Variants in PCCB observed in about 807,000 individuals in gnomAD.
PCCB encodes the protein propionyl-CoA carboxylase beta chain, mitochondrial.
In PCCB, 43 loss-of-function variants were observed where a neutral mutation model predicts 60.7. That is an observed-to-expected ratio of 0.71 (90% CI 0.55 to 0.91). The LOEUF (loss-of-function observed/expected upper bound fraction) is 0.91. PCCB is among the 40% of genes least tolerant of loss of function. PCCB has a pLI of 0.00. For missense variants in PCCB, 766 were observed against 702.8 expected (o/e 1.09, Z -1.02); for synonymous variants, 276 against 255.9 (o/e 1.08, Z -0.75).
intron 5 of PCCB, among the ~76,000 whole-genome samples, chr3:136,276,215 C>CAGGGG (rs1311378423): frequency 6.6e-6 from 1 of 152,128 alleles, no homozygotes; most frequent in African/African-American, 2.4e-5. Flanking sequence ...ATTTTATTTA[C>CAGGGG]TAAGTTGATG....
intron 10 of PCCB, 30 bp from the exon 11 acceptor site, chr3:136,326,773 A>C: frequency 7.1e-7 from 1 of 1,400,350 alleles, no homozygotes; most frequent in East Asian, 2.3e-5. Flanking sequence ...TTGCCTGGAT[A>C]CTCAGTATGG....
chr3:136,273,769 G>A (rs983945893), intron 5 of PCCB, among the ~76,000 whole-genome samples: 5 of 149,818 alleles, frequency 3.3e-5, no homozygotes, highest in Admixed American at 6.6e-5. Context: ...AAAATTAGCC[G>A]GGCGTGGTGG....
At chr3:136,265,176 G>C (rs1005669999) in intron 5 of PCCB, among the ~76,000 whole-genome samples, 1 of 152,248 alleles carries the variant, frequency 6.6e-6, no homozygotes, top group Non-Finnish European at 1.5e-5. Flanking sequence ...CTGGGTGACA[G>C]AGCGAGACTC....
chr3:136,290,563 G>T (rs1933629467), intron 6 of PCCB, among the ~76,000 whole-genome samples: 1 of 148,876 alleles, frequency 6.7e-6, no homozygotes, highest in African/African-American at 2.5e-5. Context: ...GTCTCCCTGT[G>T]TTTCCCAGGC....
chr3:136,268,087 G>GATATAGAT (rs1313121628), intron 5 of PCCB, among the ~76,000 whole-genome samples: 60 of 93,770 alleles, frequency 6.4e-4, no homozygotes, highest in African/African-American at 2.5e-3. Context: ...TGTGTGTGTA[G>GATATAGAT]ATATATATAT....
chr3:136,301,040 G>C lies in PCCB; in HGVS notation c.895G>C (p.Val299Leu). The C allele has an allele frequency of 6.2e-7, 1 of 1,614,070 alleles. No homozygotes were observed. Among genetic ancestry groups the C allele is most frequent in the South Asian group, 1.1e-5 (1 of 91,080 alleles). Reference protein sequence around the residue: ...RECHDPSDRLVPELDTIVPLE... With the variant: ...RECHDPSDRLLPELDTIVPLE... ...TTTTTCTGCCTAAAGTGACCGTCTGGTTCCTGAGCTTGACACAATTGTCCC... is the reference window on the plus strand; with the variant it reads ...TTTTTCTGCCTAAAGTGACCGTCTGCTTCCTGAGCTTGACACAATTGTCCC... Residue 299 changes from valine (V) to leucine (L), a missense_variant, in exon 9 of 15, where the codon GTT (valine) becomes CTT (leucine). By Grantham distance (32) the Val-to-Leu change is conservative. Coordinates refer to ENST00000251654, the MANE Select transcript of PCCB (RefSeq NM_000532.5).
intron 10 of PCCB, among the ~76,000 whole-genome samples, chr3:136,325,247 A>G (rs1420866494): frequency 2.6e-5 from 4 of 151,598 alleles, no homozygotes; most frequent in Non-Finnish European, 5.9e-5. Context: ...CAGGTCTCAA[A>G]CTCCTGGGCT....
In PCCB at chr3:136,255,955, A is replaced by G. The variant is rs1941662476; in HGVS notation, c.283A>G (p.Met95Val). ...FVEHRCADFG[M>V]AADKNKFPGD... ...GGAACACAGATGTGCAGATTTTGGA[A>G]TGGCTGCTGATAAGAATAAGGTATT... Residue 95 changes from methionine to valine, a missense_variant, in exon 2 of 15, where the codon ATG becomes GTG. By Grantham distance (21) the Met-to-Val change is conservative (BLOSUM62 1). Coordinates refer to ENST00000251654, the MANE Select transcript of PCCB (RefSeq NM_000532.5). The G allele has an allele frequency of 2.5e-6, 4 of 1,614,192 alleles. No homozygotes were observed. In the African/African-American group the frequency reaches 4.0e-5, roughly 16 times the overall value.
At chr3:136,325,391 C>G (rs925151773) in intron 10 of PCCB, among the ~76,000 whole-genome samples, 9 of 106,856 alleles carry the variant, frequency 8.4e-5, no homozygotes, top group African/African-American at 2.4e-4. Context: ...GAGATGGAGT[C>G]TCACTCTGTT....
chr3:136,327,788 G>C, intron 13 of PCCB, 56 bp downstream of exon 13: 1 of 1,351,260 alleles, frequency 7.4e-7, no homozygotes, highest in South Asian at 1.2e-5. Context: ...CTACCAGCGA[G>C]AGCTCAAGGC....
intron 10 of PCCB, 29 bp from the exon 11 acceptor site, chr3:136,326,774 C>A: frequency 1.4e-6 from 2 of 1,413,412 alleles, no homozygotes; most frequent in Non-Finnish European, 2.0e-6. Context: ...TGCCTGGATA[C>A]TCAGTATGGA....
intron 5 of PCCB, among the ~76,000 whole-genome samples, chr3:136,269,885 CAAAAAAAAAA>C (rs1159032335): frequency 1.7e-3 from 104 of 60,630 alleles, no homozygotes; most frequent in Middle Eastern, 7.6e-3. Flanking sequence ...GACTCTGTCT[CAAAAAAAAAA>C]AAAAAAAAAA....
chr3:136,294,320 CT>C (rs149526731), intron 7 of PCCB, among the ~76,000 whole-genome samples: 1 of 151,024 alleles, frequency 6.6e-6, no homozygotes, highest in Non-Finnish European at 1.5e-5. Flanking sequence ...TTGTTAACTT[CT>C]TTTTTTTTGA....
At chr3:136,255,445 A>G (rs759862164) in intron 1 of PCCB, 10 of 284,288 alleles carry the variant, frequency 3.5e-5, no homozygotes, top group Non-Finnish European at 6.2e-5. Context: ...AGGTCTCCCT[A>G]GAAAAAACCT....
At chr3:136,263,521 G>A (rs1285118157) in intron 5 of PCCB, among the ~76,000 whole-genome samples, 1 of 150,680 alleles carries the variant, frequency 6.6e-6, no homozygotes, top group East Asian at 2.0e-4. Context: ...ATTGGCCTGC[G>A]TTTGCCTCCC....
intron 1 of PCCB, among the ~76,000 whole-genome samples, chr3:136,252,888 G>T (rs1941555113): frequency 7.7e-6 from 1 of 129,786 alleles, no homozygotes; most frequent in Admixed American, 8.6e-5. Flanking sequence ...CAGTGTATAG[G>T]ATTGCCTGTT....
chr3:136,271,844 C>T (rs939749207), intron 5 of PCCB, among the ~76,000 whole-genome samples: 3 of 152,070 alleles, frequency 2.0e-5, no homozygotes, highest in African/African-American at 4.8e-5. Flanking sequence ...AATTTGGATG[C>T]CCTTTATTTC....
chr3:136,274,234 A>G (rs1942282049), intron 5 of PCCB, among the ~76,000 whole-genome samples: 1 of 150,726 alleles, frequency 6.6e-6, no homozygotes, highest in Non-Finnish European at 1.5e-5. Context: ...TGTGGGTTTT[A>G]TCTTTCAAGA....
intron 12 of PCCB, 30 bp downstream of exon 12, chr3:136,327,285 C>G (rs758247832): frequency 1.3e-6 from 2 of 1,545,600 alleles, no homozygotes; most frequent in Admixed American, 1.7e-5. Context: ...GGCCATGACC[C>G]TGCTCACTTT....
Sources: gnomAD v4.1 joint callset for allele counts (sites outside exome capture counted in the v4.1 genomes callset) on GRCh38, gnomAD v4.1.1 for gene constraint, MANE v1.5 for transcripts, NCBI Gene and HGNC (gene_info 2026-07-23, HGNC 2026-07-21) for gene names.